The following STK32B variants were observed in gnomAD, a reference collection of about 807,000 sequenced individuals.
The protein encoded by STK32B is serine/threonine kinase 32B.
STK32B carries 43 observed loss-of-function variants against 52.6 expected under a neutral mutation model. The observed-to-expected ratio is 0.82, with a 90% CI of 0.64 to 1.05. The LOEUF (loss-of-function observed/expected upper bound fraction) is 1.05. Among genes scored for constraint, STK32B ranks in the 50% least tolerant of loss-of-function variants. STK32B has a pLI of 0.00. For synonymous variants in STK32B, 238 were observed against 204.3 expected, an observed-to-expected ratio of 1.17 and a Z score of -1.41; for missense variants, 621 against 534.6, an observed-to-expected ratio of 1.16 and a Z score of -1.59.
intron 4 of STK32B, among the ~76,000 whole-genome samples, chr4:5,374,613 T>C (rs1735461025): frequency 6.6e-6 from 1 of 152,252 alleles, no homozygotes; most frequent in Admixed American, 6.5e-5. Context: ...CTTCTGTATG[T>C]CCTTAAGTGG....
intron 3 of STK32B, among the ~76,000 whole-genome samples, chr4:5,322,166 T>C (rs935817565): frequency 2.0e-5 from 3 of 152,092 alleles, no homozygotes; most frequent in African/African-American, 7.2e-5. Flanking sequence ...AGATTTTGTC[T>C]ATGAAAAATA....
intron 11 of STK32B, among the ~76,000 whole-genome samples, chr4:5,485,877 C>A (rs1719144774): frequency 6.6e-6 from 1 of 152,210 alleles, no homozygotes; most frequent in Non-Finnish European, 1.5e-5. Context: ...GCCTGGGTAT[C>A]AGCAGCGAAG....
At chr4:5,482,516 T>C (rs112960421) in intron 11 of STK32B, among the ~76,000 whole-genome samples, 1,790 of 152,326 alleles carry the variant, frequency 0.012, 39 homozygotes, top group African/African-American at 0.041. Context: ...AGATATACAA[T>C]CATGTCATCT....
At chr4:5,447,064 G>T (rs746838704) in intron 7 of STK32B, 1 of 282,168 alleles carries the variant, frequency 3.5e-6, no homozygotes, top group Non-Finnish European at 6.8e-6. Context: ...CCTTGGCCTC[G>T]TGGTTTCAAA....
chr4:5,126,776 A>G (rs1274174865), intron 1 of STK32B, among the ~76,000 whole-genome samples: 1 of 152,176 alleles, frequency 6.6e-6, no homozygotes, highest in Non-Finnish European at 1.5e-5. Context: ...ATCTCTCAAC[A>G]AATGATTCGA....
intron 11 of STK32B, among the ~76,000 whole-genome samples, chr4:5,479,968 T>C (rs1274702267): frequency 6.6e-6 from 1 of 152,146 alleles, no homozygotes; most frequent in East Asian, 1.9e-4. Flanking sequence ...CTTTGTGGCC[T>C]TAGACTTCAA....
intron 3 of STK32B, among the ~76,000 whole-genome samples, chr4:5,215,771 T>G (rs1208956446): frequency 6.6e-6 from 1 of 152,124 alleles, no homozygotes; most frequent in African/African-American, 2.4e-5. Flanking sequence ...TCTAAGAGTC[T>G]TAGAGATGGA....
chr4:5,480,319 C>G (rs1459972419), intron 11 of STK32B, among the ~76,000 whole-genome samples: 3 of 152,116 alleles, frequency 2.0e-5, no homozygotes, highest in Non-Finnish European at 4.4e-5. Context: ...GTCCTGAGAA[C>G]ATATATGTGC....
At chr4:5,159,812 T>TATATATATGAATA (rs1553840576) in intron 2 of STK32B, among the ~76,000 whole-genome samples, 28 of 149,328 alleles carry the variant, frequency 1.9e-4, no homozygotes, top group Middle Eastern at 3.5e-3. Flanking sequence ...TATATATATG[T>TATATATATGAATA]TATTGGAGTT....
At chr4:5,348,444 C>G (rs1010255770) in intron 4 of STK32B, among the ~76,000 whole-genome samples, 2 of 152,186 alleles carry the variant, frequency 1.3e-5, no homozygotes, top group Non-Finnish European at 2.9e-5. Flanking sequence ...CATGGACATT[C>G]CCCACCCATA....
chr4:5,490,874 T>G (rs1719670560), intron 11 of STK32B, among the ~76,000 whole-genome samples: 1 of 152,226 alleles, frequency 6.6e-6, no homozygotes, highest in South Asian at 2.1e-4. Flanking sequence ...ATTTCCAATT[T>G]CATCCATGTC....
chr4:5,350,238 A>C (rs2108984122), intron 4 of STK32B, among the ~76,000 whole-genome samples: 1 of 152,340 alleles, frequency 6.6e-6, no homozygotes. Flanking sequence ...CTTATAAAGG[A>C]CTTCCCATCA....
At chr4:5,296,455 G>A (rs768908593) in intron 3 of STK32B, among the ~76,000 whole-genome samples, 32 of 152,254 alleles carry the variant, frequency 2.1e-4, no homozygotes, top group Admixed American at 3.9e-4. Context: ...CCTGTATTGG[G>A]TGCATATATA....
chr4:5,247,178 C>T (rs1025520357), intron 3 of STK32B, among the ~76,000 whole-genome samples: 2 of 152,238 alleles, frequency 1.3e-5, no homozygotes, highest in African/African-American at 4.8e-5. Flanking sequence ...GAGGTGGAGC[C>T]TACAGAGGCA....
intron 4 of STK32B, among the ~76,000 whole-genome samples, chr4:5,353,204 G>T (rs1733949776): frequency 6.6e-6 from 1 of 152,130 alleles, no homozygotes; most frequent in African/African-American, 2.4e-5. Context: ...TATATCATAT[G>T]CAGAAGAATG....
At chr4:5,146,070 G>A (rs1400329261) in intron 2 of STK32B, among the ~76,000 whole-genome samples, 1 of 146,226 alleles carries the variant, frequency 6.8e-6, no homozygotes, top group East Asian at 2.0e-4. Context: ...TTTTTCCCTA[G>A]TATGGACATC....
At chr4:5,119,170 C>CT (rs1279282622) in intron 1 of STK32B, among the ~76,000 whole-genome samples, 4 of 152,230 alleles carry the variant, frequency 2.6e-5, no homozygotes, top group Admixed American at 2.6e-4. Flanking sequence ...CTCCTGATGG[C>CT]TAGCAGATCC....
chr4:5,416,908 C>T lies in STK32B; in HGVS notation c.536C>T (p.Ser179Phe). 1 of 1,613,580 alleles carries T rather than the reference C, an allele frequency of 6.2e-7. No homozygotes were observed. Among genetic ancestry groups the T allele is most frequent in the Non-Finnish European group, 8.5e-7 (1 of 1,179,810 alleles). ...GTGAAAGGAGCAGAAAGGGCTTCCT[C>T]CATGGCTGGCACCAAGCCCTACATG... is the stretch of plus-strand genomic sequence containing the variant. ...TVVKGAERAS[S>F]MAGTKPYMAP... The change falls in exon 6 of 12, where the codon TCC (serine) becomes TTC (phenylalanine). Residue 179 changes from serine (S) to phenylalanine (F), a missense_variant. Physicochemically the swap from Ser to Phe is radical, Grantham distance 155. Transcript: ENST00000282908.
chr4:5,114,340 C>T (rs138748601), intron 1 of STK32B, among the ~76,000 whole-genome samples: 1 of 151,996 alleles, frequency 6.6e-6, no homozygotes, highest in African/African-American at 2.4e-5. Context: ...TTCAAAGGAA[C>T]CTTCCTGGAC....
Sources: allele counts gnomAD v4.1 joint callset (sites outside exome capture counted in the v4.1 genomes callset), GRCh38; gene constraint gnomAD v4.1.1; transcripts MANE v1.5; gene names NCBI Gene and HGNC (gene_info 2026-07-23, HGNC 2026-07-21).